The following C6orf136 variants were observed in gnomAD, a reference collection of about 807,000 sequenced individuals.
C6orf136 encodes the protein uncharacterized protein C6orf136.
C6orf136 carries 29 observed loss-of-function variants against 44.0 expected under a neutral mutation model. That is an observed-to-expected ratio of 0.66 (90% CI 0.49 to 0.90). The LOEUF (loss-of-function observed/expected upper bound fraction) is 0.90, where lower values mean the gene tolerates loss of function less well. Ranked by LOEUF, C6orf136 falls within the 40% of genes least tolerant of loss-of-function variation. C6orf136 has a pLI of 0.00. For synonymous variants in C6orf136, 293 were observed against 278.6 expected (o/e 1.05, Z -0.52); for missense variants, 628 against 669.3 (o/e 0.94, Z 0.68).
chr6:30,651,495 C>T (rs200241953), intron 4 of C6orf136, 29 bp downstream of exon 4: 1 of 1,527,462 alleles, frequency 6.5e-7, no homozygotes. Context: ...AGGACCCAAA[C>T]TATAATCAGT....
At position 30,647,516 on chromosome 6, in the gene C6orf136, C is replaced by T; in HGVS notation, c.285C>T (p.Leu95=). ...CRACRARTSV[L]PGLRAVRRGQ... ...CCTGTCGCGCAAGGACGTCGGTCCT[C>T]CCAGGTTTGAGGGCGGTCAGGCGGG... is the stretch of plus-strand genomic sequence containing the variant. Residue 95 remains leucine, a synonymous_variant, in exon 1 of 6, where the codon CTC becomes CTT. Transcript: ENST00000651131. This position sits in a 1 kb window ranked among gnomAD's most constrained non-coding sequence, Gnocchi z 4.8. The T allele has an allele frequency of 1.3e-6, 2 of 1,513,596 alleles. No individual in the cohort carries two copies. The highest frequency in any genetic ancestry group is 1.3e-5 in the South Asian group (1 of 79,146). 93.8% of individuals were successfully genotyped at this position (1,513,596 alleles called of 1,614,324 possible). A position where few individuals can be genotyped will look rare whatever the true frequency, so the allele number is the denominator to read the frequency against.
chr6:30,647,636 T>C lies in C6orf136; in HGVS notation c.405T>C (p.Ile135=), dbSNP rs146616682. The C allele has an allele frequency of 8.1e-3, 12,508 of 1,549,896 alleles. 225 individuals are homozygous for C. Among genetic ancestry groups the C allele is most frequent in the Middle Eastern group, 0.018 (110 of 5,988 alleles). ...ATTTGAAGGGCAGGGGCCGAGAGAT[T>C]CGTAGCCCTGCTGCGGCGCCGTCCC... ...RGDLKGRGRE[I]RSPAAAPSRS... is the part of the protein sequence containing the mutation. The change falls in exon 1 of 6, where the codon ATT becomes ATC. Residue 135 remains isoleucine, a synonymous_variant. Transcript: ENST00000651131. The surrounding 1 kb of genome is among the most constrained non-coding windows in gnomAD (Gnocchi z 4.8).
chr6:30,647,488 G>T lies in C6orf136; in HGVS notation c.257G>T (p.Arg86Leu), dbSNP rs932212946. 7.4e-6 allele frequency: 11 copies of T among 1,491,050 alleles called. No homozygotes were observed. In the African/African-American group the frequency reaches 1.1e-4, roughly 15 times the overall value. The allele number at this position is 1,491,050 out of a possible 1,614,324, so 92.4% of individuals were successfully genotyped here. A position where few individuals can be genotyped will look rare whatever the true frequency, so the allele number is the denominator to read the frequency against. Residue 86 changes from arginine to leucine, a missense_variant, in exon 1 of 6, where the codon CGG becomes CTG. Coordinates refer to ENST00000651131, the MANE Select transcript of C6orf136 (RefSeq NM_001161376.2). This position sits in a 1 kb window ranked among gnomAD's most constrained non-coding sequence, Gnocchi z 4.8. Reference protein sequence around the residue: ...GVAGAGGRRCRACRARTSVLP... With the variant: ...GVAGAGGRRCLACRARTSVLP... ...GCGGGAGCGGGAGGGAGGCGCTGCC[G>T]GGCCTGTCGCGCAAGGACGTCGGTC...
chr6:30,649,519 T>A, intron 1 of C6orf136, 39 bp from the exon 2 acceptor site: 1 of 1,554,796 alleles, frequency 6.4e-7, no homozygotes, highest in Non-Finnish European at 8.6e-7. Flanking sequence ...GTTAGACAAG[T>A]GGATTCTTAT....
Position 30,651,103 on chromosome 6 carries a change from A to T in C6orf136, c.1106+21A>T, listed in dbSNP as rs372723087. On this transcript the variant is annotated intron_variant, in intron 3 of 5. Transcript: ENST00000651131. Reference sequence around the variant, plus strand: ...ACCAAGTGAGAATTGGGGCACAGGTAGGGCACTGGGGAGGAAAAGCACCCA... The same window carrying T: ...ACCAAGTGAGAATTGGGGCACAGGTTGGGCACTGGGGAGGAAAAGCACCCA... 5 of 1,606,196 alleles carry T rather than the reference A, an allele frequency of 3.1e-6. No individual in the cohort carries two copies. The African/African-American group carries it at 6.7e-5, about 21-fold the overall frequency.
chr6:30,651,793 C>G (rs1174599470), intron 4 of C6orf136, among the ~76,000 whole-genome samples: 1 of 152,076 alleles, frequency 6.6e-6, no homozygotes, highest in Non-Finnish European at 1.5e-5. Context: ...ATGATCTAGT[C>G]TCCCAGACAA....
rs777356862 is a variant in C6orf136, at chr6:30,647,193, G to T, written c.-39G>T. The T allele has an allele frequency of 2.0e-6, 3 of 1,523,820 alleles. No individual in the cohort carries two copies. The African/African-American group carries it at 4.3e-5, about 22-fold the overall frequency. The allele number at this position is 1,523,820 out of a possible 1,614,324, so 94.4% of individuals were successfully genotyped here. On this transcript the variant is annotated 5_prime_UTR_variant, in exon 1 of 6. Transcript: ENST00000651131. The surrounding 1 kb of genome is among the most constrained non-coding windows in gnomAD (Gnocchi z 4.8). ...GCTCACCCCTGTGAGGAGGCCGGAG[G>T]TCGGACTCAGGAGGCTCCTTCTCCA...
chr6:30,650,397 A>AG (rs34752093), intron 2 of C6orf136, among the ~76,000 whole-genome samples: 8,810 of 151,612 alleles, frequency 0.058, 467 homozygotes, highest in African/African-American at 0.14. Context: ...AAAAAAAAAA[A>AG]AAAGAAAGAA....
rs1206814436 is a variant in C6orf136 at position 30,651,396 on chromosome 6, C to T, written c.1237C>T (p.Arg413Trp). The T allele has an allele frequency of 1.9e-6, 3 of 1,613,360 alleles. No individual in the cohort carries two copies. The highest frequency in any genetic ancestry group is 1.1e-5 in the South Asian group (1 of 91,092). The change falls in exon 4 of 6, where the codon CGG (arginine) becomes TGG (tryptophan). Residue 413 changes from arginine to tryptophan, a missense_variant. Arg to Trp is a moderately radical substitution (Grantham distance 101). Coordinates refer to ENST00000651131, the MANE Select transcript of C6orf136 (RefSeq NM_001161376.2). ...PENWTLQARW[R>W]LVGLPVHLLF... ...GAACTGGACCCTGCAAGCCCGGTGG[C>T]GGCTTGTGGGGCTGCCCGTCCACTT...
At position 30,653,073 on chromosome 6, in the gene C6orf136, G is replaced by A. The variant is rs1300817528; in HGVS notation, c.*158G>A. 2.8e-6 allele frequency: 3 copies of A among 1,082,532 alleles called. No homozygotes were observed. The highest frequency in any genetic ancestry group is 3.9e-6 in the Non-Finnish European group (3 of 762,590). The allele number at this position is 1,082,532 out of a possible 1,614,324, so 67.1% of individuals were successfully genotyped here. On this transcript the variant is annotated 3_prime_UTR_variant, in exon 6 of 6. Transcript: ENST00000651131. ...GTAAAGCTGCTGTGTAATTTAACTT[G>A]TAAATAATAAAGTTTAACTGACTAT... is the stretch of plus-strand genomic sequence containing the variant.
In C6orf136 at chr6:30,647,599, T is replaced by G; in HGVS notation, c.368T>G (p.Val123Gly). Reference sequence around the variant, plus strand: ...GCGCCCGACTCTCCGCGGTTACCTGTGCCTAGAGGTGATTTGAAGGGCAGG... The same window carrying G: ...GCGCCCGACTCTCCGCGGTTACCTGGGCCTAGAGGTGATTTGAAGGGCAGG... ...CVAPDSPRLPVPRGDLKGRGR... is the reference protein window; with the variant it reads ...CVAPDSPRLPGPRGDLKGRGR... Residue 123 changes from valine to glycine, a missense_variant, in exon 1 of 6, where the codon GTG becomes GGG. Physicochemically the swap from Val to Gly is moderately radical, Grantham distance 109. This residue lies in a region of C6orf136 where 497 missense variants were observed against 469.2 expected (regional missense o/e 1.06). Transcript: ENST00000651131. This position sits in a 1 kb window ranked among gnomAD's most constrained non-coding sequence, Gnocchi z 4.8. 2 of 1,545,286 alleles carry G rather than the reference T, an allele frequency of 1.3e-6. No homozygotes were observed. The highest frequency in any genetic ancestry group is 1.7e-6 in the Non-Finnish European group (2 of 1,143,244).
Position 30,651,284 on chromosome 6 carries a change from T to G in C6orf136, c.1125T>G (p.Ile375Met), listed in dbSNP as rs1237511622. The G allele has an allele frequency of 1.2e-6, 2 of 1,614,106 alleles. No individual in the cohort carries two copies. Among genetic ancestry groups the G allele is most frequent in the African/African-American group, 1.3e-5 (1 of 75,060 alleles). Residue 375 changes from isoleucine (I) to methionine (M), a missense_variant, in exon 4 of 6, where the codon ATT becomes ATG. Coordinates refer to ENST00000651131, the MANE Select transcript of C6orf136 (RefSeq NM_001161376.2). ...TTCACAGGGGCCGGACATGGTACAT[T>G]CTTTCACTGACCCTCTGCCGTTTCC... ...NIRTKGRTWY[I>M]LSLTLCRFLA...
In C6orf136 at chr6:30,647,532, G is replaced by T; in HGVS notation, c.301G>T (p.Val101Phe). ...RTSVLPGLRA[V>F]RRGQGQAAGR... ...GTCGGTCCTCCCAGGTTTGAGGGCGGTCAGGCGGGGTCAAGGCCAGGCAGC... is the reference window on the plus strand; with the variant it reads ...GTCGGTCCTCCCAGGTTTGAGGGCGTTCAGGCGGGGTCAAGGCCAGGCAGC... Residue 101 changes from valine to phenylalanine, a missense_variant, in exon 1 of 6, where the codon GTC becomes TTC. Around this residue, in one of 2 missense-constraint regions of C6orf136, gnomAD observed 497 missense variants for 469.2 expected, o/e 1.06. Transcript: ENST00000651131. This position sits in a 1 kb window ranked among gnomAD's most constrained non-coding sequence, Gnocchi z 4.8. 1 of 1,521,196 alleles carries T rather than the reference G, an allele frequency of 6.6e-7. No homozygotes were observed. The highest frequency in any genetic ancestry group is 8.9e-7 in the Non-Finnish European group (1 of 1,128,010). The allele number at this position is 1,521,196 out of a possible 1,614,324, so 94.2% of individuals were successfully genotyped here. A position where few individuals can be genotyped will look rare whatever the true frequency, so the allele number is the denominator to read the frequency against.
intron 4 of C6orf136, 133 bp downstream of exon 4, chr6:30,651,599 C>T (rs767070206): frequency 1.4e-4 from 115 of 849,588 alleles, no homozygotes; most frequent in Admixed American, 3.8e-4. Context: ...CTCTGCCTCC[C>T]GGCTTCCAGC....
chr6:30,649,022 G>A (rs1027586807), intron 1 of C6orf136, among the ~76,000 whole-genome samples: 1 of 149,864 alleles, frequency 6.7e-6, no homozygotes, highest in Admixed American at 6.6e-5. Context: ...AGAAAAAAAA[G>A]TAAAATGTCT....
At chr6:30,648,369 G>A (rs985463961) in intron 1 of C6orf136, among the ~76,000 whole-genome samples, 10 of 151,290 alleles carry the variant, frequency 6.6e-5, no homozygotes, top group Non-Finnish European at 8.8e-5. Flanking sequence ...CTTGCGATAA[G>A]AGAGGTGAAA....
chr6:30,649,530 C>A (rs370354189), intron 1 of C6orf136, 28 bp from the exon 2 acceptor site: 1 of 1,564,686 alleles, frequency 6.4e-7, no homozygotes, highest in South Asian at 1.2e-5. Flanking sequence ...GGATTCTTAT[C>A]TTTCTCCCTT....
At chr6:30,652,606 C>CCAGT (rs1282355307) in intron 4 of C6orf136, 42 bp from the exon 5 acceptor site, 1 of 1,561,908 alleles carries the variant, frequency 6.4e-7, no homozygotes, top group Admixed American at 1.7e-5. Context: ...AGCTTTGGGA[C>CCAGT]CAGTCACCTT....
rs142538587 is a variant in C6orf136 at position 30,652,906 on chromosome 6, C to T, written c.1482C>T (p.Ser494=). 23 of 1,612,520 alleles carry T rather than the reference C, an allele frequency of 1.4e-5. No homozygotes were observed. In the African/African-American group the frequency reaches 1.9e-4, roughly 13 times the overall value. Residue 494 remains serine, a synonymous_variant, in exon 6 of 6, where the codon TCC becomes TCT. Coordinates refer to ENST00000651131, the MANE Select transcript of C6orf136 (RefSeq NM_001161376.2). The part of the protein sequence containing the change: ...SEPEPDLNLC[S]KP The stretch of plus-strand genomic sequence containing the variant: ...CAGAACCTGACTTAAACCTGTGTTC[C>T]AAGCCCTGATCCTTGACCTTGGAGT...
Sources: gnomAD v4.1 joint callset for allele counts (sites outside exome capture counted in the v4.1 genomes callset) on GRCh38, gnomAD v4.1.1 for gene constraint, gnomAD v4.1.1 regional missense constraint, Gnocchi (gnomAD v3.1) non-coding constraint, MANE v1.5 for transcripts, NCBI Gene and HGNC (gene_info 2026-07-23, HGNC 2026-07-21) for gene names.